The following ADAMTSL1 variants were observed in gnomAD, a reference collection of about 807,000 sequenced individuals.
ADAMTSL1 encodes ADAMTS like 1.
A neutral mutation model predicts 201.8 loss-of-function variants in ADAMTSL1; 126 were observed. That is an observed-to-expected ratio of 0.62 (90% CI 0.54 to 0.72). The LOEUF is 0.72. Ranked by LOEUF, ADAMTSL1 falls within the 30% of genes least tolerant of loss-of-function variation. The probability of loss-of-function intolerance (pLI) is 0.00; values close to 1 mark genes in which losing one functional copy is unlikely to be tolerated. For synonymous variants in ADAMTSL1, 1,121 were observed against 903.4 expected (o/e 1.24, Z -4.32); for missense variants, 2,679 against 2,277.8 (o/e 1.18, Z -3.59).
intron 2 of ADAMTSL1, among the ~76,000 whole-genome samples, chr9:18,339,511 G>A (rs757448526): frequency 1.1e-4 from 17 of 152,142 alleles, no homozygotes; most frequent in African/African-American, 2.9e-4. Flanking sequence ...TGGTGGGAAT[G>A]TAAATTAGTT....
intron 25 of ADAMTSL1, chr9:18,890,527 T>G (rs1024603982): frequency 1.1e-5 from 5 of 455,948 alleles, no homozygotes; most frequent in African/African-American, 1.0e-4. Context: ...CATACAATAC[T>G]TAGGCAACTG....
chr9:17,971,765 C>T (rs367994241), intron 1 of ADAMTSL1, among the ~76,000 whole-genome samples: 3 of 151,832 alleles, frequency 2.0e-5, no homozygotes, highest in Admixed American at 6.6e-5. Flanking sequence ...CCAAAAGATA[C>T]ATTTTTAACT....
chr9:18,604,410 T>C (rs1824872144), intron 4 of ADAMTSL1, among the ~76,000 whole-genome samples: 1 of 152,232 alleles, frequency 6.6e-6, no homozygotes, highest in Non-Finnish European at 1.5e-5. Flanking sequence ...TCACTTTCTA[T>C]GCTCCCCATT....
intron 2 of ADAMTSL1, among the ~76,000 whole-genome samples, chr9:18,254,666 C>T (rs1226842178): frequency 1.6e-5 from 2 of 123,718 alleles, no homozygotes; most frequent in African/African-American, 6.2e-5. Flanking sequence ...CCTGCCCCCC[C>T]GCCCCCCCCA....
At chr9:18,186,295 A>G (rs1198916279) in intron 2 of ADAMTSL1, among the ~76,000 whole-genome samples, 1 of 152,162 alleles carries the variant, frequency 6.6e-6, no homozygotes. Context: ...TCTTATTTTT[A>G]AAAAAGCACA....
chr9:18,211,441 T>A (rs953691108), intron 2 of ADAMTSL1, among the ~76,000 whole-genome samples: 2 of 152,174 alleles, frequency 1.3e-5, no homozygotes, highest in Non-Finnish European at 2.9e-5. Flanking sequence ...AACAAAAATT[T>A]TATCTGTTTA....
intron 2 of ADAMTSL1, among the ~76,000 whole-genome samples, chr9:18,461,986 G>A (rs914787973): frequency 5.9e-5 from 9 of 152,068 alleles, no homozygotes; most frequent in South Asian, 4.2e-4. Context: ...CTTTCTATAT[G>A]TGAGTTTTAC....
At position 18,897,203 on chromosome 9, in the gene ADAMTSL1, T is replaced by A. The variant is rs373865072; in HGVS notation, c.4851+4607T>A. Among the ~76,000 whole-genome samples the A allele has an allele frequency of 2.0e-5, 3 of 152,182 alleles. No individual in the cohort carries two copies. In the South Asian group the frequency reaches 6.2e-4, roughly 31 times the overall value. ...TCAGCAACTCCAACCTGGGTTATAC[T>A]AACAGATGTCTGATCTCTCCCTGGG... On this transcript the variant is annotated intron_variant, in intron 26 of 28. Transcript: ENST00000380548.
chr9:17,944,131 T>C (rs1827355776), intron 1 of ADAMTSL1, among the ~76,000 whole-genome samples: 1 of 151,892 alleles, frequency 6.6e-6, no homozygotes, highest in Non-Finnish European at 1.5e-5. Context: ...ATCCAATTTA[T>C]ATCAGTATCC....
chr9:17,950,196 T>C (rs183600380), intron 1 of ADAMTSL1, among the ~76,000 whole-genome samples: 121 of 152,212 alleles, frequency 7.9e-4, no homozygotes, highest in African/African-American at 2.8e-3. Context: ...CGTGAGCCAC[T>C]GCATCTGGCC....
intron 1 of ADAMTSL1, among the ~76,000 whole-genome samples, chr9:18,141,738 C>G (rs1275094825): frequency 9.9e-5 from 15 of 152,192 alleles, no homozygotes. Flanking sequence ...CTGTGAGCAT[C>G]TGACAGCATC....
Position 18,694,485 on chromosome 9 carries a change from C to T in ADAMTSL1, c.1574+9685C>T, listed in dbSNP as rs561070571. Among the ~76,000 whole-genome samples, 34 of 152,262 alleles carry T rather than the reference C, an allele frequency of 2.2e-4. 1 individual carries two copies. The highest frequency in any genetic ancestry group is 2.1e-3 in the South Asian group (10 of 4,820). ...TGGAGGTACAGGCATTGGGTAAATA[C>T]ACGCATTCTAAACGGGAGAAATTAG... On this transcript the variant is annotated intron_variant, in intron 13 of 28. Transcript: ENST00000380548.
At chr9:18,028,085 G>A (rs566397791) in intron 1 of ADAMTSL1, among the ~76,000 whole-genome samples, 1 of 152,062 alleles carries the variant, frequency 6.6e-6, no homozygotes, top group South Asian at 2.1e-4. Context: ...CCTTTACTTT[G>A]AGCCTATGGG....
At chr9:18,669,570 G>C (rs1426029767) in intron 9 of ADAMTSL1, among the ~76,000 whole-genome samples, 1 of 152,096 alleles carries the variant, frequency 6.6e-6, no homozygotes, top group East Asian at 1.9e-4. Flanking sequence ...CCTAATTATA[G>C]AATATTTTCC....
At chr9:18,825,681 C>G (rs1047628125) in intron 21 of ADAMTSL1, among the ~76,000 whole-genome samples, 4 of 152,092 alleles carry the variant, frequency 2.6e-5, no homozygotes, top group African/African-American at 9.7e-5. Context: ...CAGAGCATCG[C>G]CAGTGGCCAA....
At chr9:18,894,171 A>G (rs1448133664) in intron 26 of ADAMTSL1, among the ~76,000 whole-genome samples, 3 of 152,196 alleles carry the variant, frequency 2.0e-5, no homozygotes. Context: ...TTAAGAAGGA[A>G]TGGCACAATC....
chr9:17,931,015 T>A (rs933178763), intron 1 of ADAMTSL1, among the ~76,000 whole-genome samples: 31 of 152,188 alleles, frequency 2.0e-4, no homozygotes, highest in African/African-American at 7.0e-4. Flanking sequence ...ACCTGATAAG[T>A]CCTAGTCTTT....
rs769970560 is a variant in ADAMTSL1 at position 18,908,409 on chromosome 9, G to A, written c.5183-33G>A. On this transcript the variant is annotated intron_variant, in intron 28 of 28. Coordinates refer to ENST00000380548, the MANE Select transcript of ADAMTSL1 (RefSeq NM_001040272.6). Reference sequence around the variant, plus strand: ...AGTCTCTGTTTCACATCTCTTTTCTGTCTCCTCTCCCGACCCCGTCCTCCT... The same window carrying A: ...AGTCTCTGTTTCACATCTCTTTTCTATCTCCTCTCCCGACCCCGTCCTCCT... The A allele has an allele frequency of 5.9e-6, 9 of 1,523,838 alleles. No homozygotes were observed. In the African/African-American group the frequency reaches 9.7e-5, roughly 16 times the overall value. The allele number at this position is 1,523,838 out of a possible 1,614,324, so 94.4% of individuals were successfully genotyped here.
intron 2 of ADAMTSL1, among the ~76,000 whole-genome samples, chr9:18,405,636 A>G (rs1818160713): frequency 1.0e-5 from 1 of 96,740 alleles, no homozygotes; most frequent in South Asian, 2.4e-4. Flanking sequence ...CAGAAGAATG[A>G]AAAAAAAAAA....
Sources: gnomAD v4.1 joint callset for allele counts (sites outside exome capture counted in the v4.1 genomes callset) on GRCh38, gnomAD v4.1.1 for gene constraint, MANE v1.5 for transcripts, NCBI Gene and HGNC (gene_info 2026-07-23, HGNC 2026-07-21) for gene names.